The following RNF180 variants were observed in gnomAD, a reference collection of about 807,000 sequenced individuals.
RNF180 encodes E3 ubiquitin-protein ligase RNF180.
RNF180 carries 38 observed loss-of-function variants against 59.2 expected under a neutral mutation model. The observed-to-expected ratio is 0.64, with a 90% CI of 0.50 to 0.84. The LOEUF is 0.84. Ranked by LOEUF, RNF180 falls within the 40% of genes least tolerant of loss-of-function variation. RNF180 has a pLI of 0.00. For synonymous variants in RNF180, 262 were observed against 240.3 expected, an observed-to-expected ratio of 1.09 and a Z score of -0.84; for missense variants, 705 against 700.9, an observed-to-expected ratio of 1.01 and a Z score of -0.07.
chr5:64,359,547 A>G (rs1746163086), intron 7 of RNF180, among the ~76,000 whole-genome samples: 1 of 151,986 alleles, frequency 6.6e-6, no homozygotes, highest in Non-Finnish European at 1.5e-5. Flanking sequence ...CCTTTGTCAG[A>G]TGAGTAGGTT....
intron 7 of RNF180, among the ~76,000 whole-genome samples, chr5:64,366,874 G>A (rs768182385): frequency 1.7e-4 from 25 of 151,426 alleles, no homozygotes; most frequent in Non-Finnish European, 3.3e-4. Context: ...TCAAGATACA[G>A]GAAGCTCAGA....
chr5:64,335,641 T>G (rs1334145910), intron 7 of RNF180, among the ~76,000 whole-genome samples: 4 of 152,160 alleles, frequency 2.6e-5, no homozygotes, highest in Non-Finnish European at 5.9e-5. Context: ...GTATAATTTT[T>G]TATTCCTATA....
chr5:64,261,686 A>T (rs1230399752), intron 5 of RNF180, among the ~76,000 whole-genome samples: 1 of 152,254 alleles, frequency 6.6e-6, no homozygotes, highest in Admixed American at 6.6e-5. Context: ...TTACAAACAT[A>T]TGTTTTAAGT....
At chr5:64,192,900 C>CATGT (rs1554028927) in intron 1 of RNF180, among the ~76,000 whole-genome samples, 4 of 32,842 alleles carry the variant, frequency 1.2e-4, no homozygotes, top group Non-Finnish European at 1.8e-4. Flanking sequence ...GAAAGTGTGG[C>CATGT]ATGTATATAT....
In RNF180 at chr5:64,283,681, C is replaced by T. The variant is rs916185958; in HGVS notation, c.1228-41505C>T. Reference sequence around the variant, plus strand: ...CCCATGCTTGCACTTCTCCTTCCTACCACCTTGTGATGAAGGTGCCTTGCT... The same window carrying T: ...CCCATGCTTGCACTTCTCCTTCCTATCACCTTGTGATGAAGGTGCCTTGCT... On this transcript the variant is annotated intron_variant, in intron 5 of 7. Coordinates refer to ENST00000389100, the MANE Select transcript of RNF180 (RefSeq NM_001113561.2). 3.8e-4 allele frequency among the ~76,000 whole-genome samples: 58 copies of T among 152,274 alleles called. 1 individual carries two copies. Among genetic ancestry groups the T allele is most frequent in the Non-Finnish European group, 1.8e-4 (12 of 68,024 alleles).
In RNF180 at chr5:64,310,565, A is replaced by G. The variant is rs955772480; in HGVS notation, c.1228-14621A>G. On this transcript the variant is annotated intron_variant, in intron 5 of 7. Coordinates refer to ENST00000389100, the MANE Select transcript of RNF180 (RefSeq NM_001113561.2). ...TTACTGATATAACAGTTTTTGTAGT[A>G]CTTGATAACATTAGCTGCTATAACT... 2.0e-5 allele frequency among the ~76,000 whole-genome samples: 3 copies of G among 151,380 alleles called. No homozygotes were observed. In the Admixed American group the frequency reaches 2.0e-4, roughly 10 times the overall value.
intron 5 of RNF180, among the ~76,000 whole-genome samples, chr5:64,315,454 GC>G (rs1743987117): frequency 6.6e-6 from 1 of 152,128 alleles, no homozygotes; most frequent in Non-Finnish European, 1.5e-5. Flanking sequence ...TAACCAAGAT[GC>G]TTTTACTCGG....
chr5:64,230,014 T>G (rs1241326393), intron 5 of RNF180, among the ~76,000 whole-genome samples: 1 of 152,226 alleles, frequency 6.6e-6, no homozygotes, highest in African/African-American at 2.4e-5. Flanking sequence ...TTTAAAGATA[T>G]TTTTGCATTG....
rs1481830670 is a variant in RNF180 at position 64,369,969 on chromosome 5, T to C, written c.*155T>C. ...TGAGAATAATGAATTTATTTATTAA[T>C]GTTTTTCATGTAACAAACTAAACTT... On this transcript the variant is annotated 3_prime_UTR_variant, in exon 8 of 8. Transcript: ENST00000389100. 3 of 499,216 alleles carry C rather than the reference T, an allele frequency of 6.0e-6. No homozygotes were observed. The highest frequency in any genetic ancestry group is 7.8e-5 in the Admixed American group (2 of 25,740). The allele number at this position is 499,216 out of a possible 1,614,324, so 30.9% of individuals were successfully genotyped here. A position where few individuals can be genotyped will look rare whatever the true frequency, so the allele number is the denominator to read the frequency against.
intron 5 of RNF180, among the ~76,000 whole-genome samples, chr5:64,298,896 C>T (rs539172684): frequency 6.6e-6 from 1 of 152,090 alleles, no homozygotes; most frequent in East Asian, 1.9e-4. Flanking sequence ...TAGCTAAACT[C>T]CCTATTGATT....
At chr5:64,232,999 T>G (rs1388315608) in intron 5 of RNF180, among the ~76,000 whole-genome samples, 1 of 152,204 alleles carries the variant, frequency 6.6e-6, no homozygotes, top group Non-Finnish European at 1.5e-5. Context: ...TCTCATGATT[T>G]GGTTATGCTG....
At chr5:64,332,901 T>C (rs1195019090) in intron 7 of RNF180, among the ~76,000 whole-genome samples, 1 of 152,080 alleles carries the variant, frequency 6.6e-6, no homozygotes, top group Non-Finnish European at 1.5e-5. Flanking sequence ...AGGAGGTTGG[T>C]CTTCTGCGTA....
intron 1 of RNF180, among the ~76,000 whole-genome samples, chr5:64,197,843 A>T (rs557103296): frequency 2.6e-4 from 40 of 152,286 alleles, no homozygotes; most frequent in African/African-American, 9.6e-4. Context: ...GATAAATTTG[A>T]ACTTTATACA....
At chr5:64,271,355 T>C (rs1741387330) in intron 5 of RNF180, among the ~76,000 whole-genome samples, 1 of 152,108 alleles carries the variant, frequency 6.6e-6, no homozygotes. Context: ...TCATTTTTTA[T>C]ATTTTATTTG....
chr5:64,280,236 T>C (rs1741939434), intron 5 of RNF180, among the ~76,000 whole-genome samples: 1 of 152,192 alleles, frequency 6.6e-6, no homozygotes, highest in Non-Finnish European at 1.5e-5. Context: ...ATGCATAGTT[T>C]GCAAATATTT....
At chr5:64,174,173 T>C (rs1750104638) in intron 1 of RNF180, among the ~76,000 whole-genome samples, 1 of 152,206 alleles carries the variant, frequency 6.6e-6, no homozygotes, top group Non-Finnish European at 1.5e-5. Context: ...TTCCATTGTG[T>C]ATATATACCA....
intron 7 of RNF180, among the ~76,000 whole-genome samples, chr5:64,355,428 A>C (rs1459144482): frequency 2.0e-5 from 3 of 151,950 alleles, no homozygotes; most frequent in South Asian, 2.1e-4. Context: ...GATCCAAATA[A>C]ATAGACATCC....
Position 64,256,003 on chromosome 5 carries a change from G to A in RNF180, c.1227+38607G>A, listed in dbSNP as rs577766553. On this transcript the variant is annotated intron_variant, in intron 5 of 7. Coordinates refer to ENST00000389100, the MANE Select transcript of RNF180 (RefSeq NM_001113561.2). ...TTTGGCTGCATAAATGTCTTCTTTT[G>A]AGAAGTGTCTGTTCATATCCTTCGC... is the stretch of plus-strand genomic sequence containing the variant. Among the ~76,000 whole-genome samples, 751 of 152,238 alleles carry A rather than the reference G, an allele frequency of 4.9e-3. 9 individuals are homozygous for A. Among genetic ancestry groups the A allele is most frequent in the African/African-American group, 0.017 (703 of 41,532 alleles).
At chr5:64,194,688 A>G (rs1751364373) in intron 1 of RNF180, among the ~76,000 whole-genome samples, 1 of 152,156 alleles carries the variant, frequency 6.6e-6, no homozygotes, top group Non-Finnish European at 1.5e-5. Context: ...CTTTTTAATG[A>G]TCACCATTCA....
Sources: gnomAD v4.1 joint callset for allele counts (sites outside exome capture counted in the v4.1 genomes callset) on GRCh38, gnomAD v4.1.1 for gene constraint, MANE v1.5 for transcripts, NCBI Gene and HGNC (gene_info 2026-07-23, HGNC 2026-07-21) for gene names.